COL13A1: variants seen among roughly 807,000 people sequenced by gnomAD.
COL13A1 encodes the protein collagen alpha-1(XIII) chain.
Under a neutral mutation model 130.9 loss-of-function variants are expected in COL13A1, and 89 were observed. The observed-to-expected ratio is 0.68, with a 90% CI of 0.57 to 0.81. COL13A1 has a LOEUF of 0.81. COL13A1 is among the 30% of genes least tolerant of loss of function. The pLI is 0.00. For synonymous variants in COL13A1, 402 were observed against 341.6 expected (o/e 1.18, Z -1.95); for missense variants, 879 against 934.6 (o/e 0.94, Z 0.78).
chr10:69,854,029 G>A (rs1855717952), intron 2 of COL13A1, among the ~76,000 whole-genome samples: 1 of 152,220 alleles, frequency 6.6e-6, no homozygotes, highest in Non-Finnish European at 1.5e-5. Flanking sequence ...AAAGCCAAAT[G>A]TAAAATCCAA....
At chr10:69,936,378 A>G (rs2066922849) in intron 32 of COL13A1, among the ~76,000 whole-genome samples, 1 of 152,174 alleles carries the variant, frequency 6.6e-6, no homozygotes, top group Non-Finnish European at 1.5e-5. Context: ...TGGTAGAAGT[A>G]GCAGTAGGAA....
rs116247591 is a variant in COL13A1, at chr10:69,950,152, C to A, written c.2059-2730C>A. 8.2e-3 allele frequency among the ~76,000 whole-genome samples: 1,254 copies of A among 152,194 alleles called. 17 individuals carry two copies. Among genetic ancestry groups the A allele is most frequent in the African/African-American group, 0.029 (1,200 of 41,518 alleles). ...ACGTCCTTCATCCTTTCCCCTCCCC[C>A]TCACCAGCTGTCAGTTTATCTCCTC... is the stretch of plus-strand genomic sequence containing the variant. On this transcript the variant is annotated intron_variant, in intron 38 of 40. Transcript: ENST00000645393.
At chr10:69,909,605 G>A (rs372136505) in intron 17 of COL13A1, among the ~76,000 whole-genome samples, 1 of 152,172 alleles carries the variant, frequency 6.6e-6, no homozygotes, top group African/African-American at 2.4e-5. Flanking sequence ...AGGTCAGAGG[G>A]CTGGCACTGG....
At chr10:69,810,346 A>AAGAGAGAGAGAGAG (rs1564723791) in intron 1 of COL13A1, among the ~76,000 whole-genome samples, 4 of 71,150 alleles carry the variant, frequency 5.6e-5, no homozygotes, top group African/African-American at 2.5e-4. Context: ...GGCCCTGAGA[A>AAGAGAGAGAGAGAG]TGAGAGAGAG....
Position 69,878,075 on chromosome 10 carries a change from C to T in COL13A1, c.462+10C>T, listed in dbSNP as rs1266146854. 4.3e-6 allele frequency: 3 copies of T among 702,888 alleles called. No homozygotes were observed. Among genetic ancestry groups the T allele is most frequent in the Admixed American group, 2.0e-5 (1 of 49,992 alleles). The allele number at this position is 702,888 out of a possible 1,614,324, so 43.5% of individuals were successfully genotyped here. A position where few individuals can be genotyped will look rare whatever the true frequency, so the allele number is the denominator to read the frequency against. ...CCAACCAGGCGAGAAGGTGAGTCCA[C>T]ACTTTCCCCTTCTGCCCTGCACCCA... On this transcript the variant is annotated intron_variant, in intron 6 of 40. Coordinates refer to ENST00000645393, the MANE Select transcript of COL13A1 (RefSeq NM_001368882.1).
intron 38 of COL13A1, among the ~76,000 whole-genome samples, chr10:69,951,240 A>G (rs1299856533): frequency 6.6e-6 from 1 of 152,176 alleles, no homozygotes; most frequent in African/African-American, 2.4e-5. Flanking sequence ...CTCTGACCCC[A>G]ACCTTTGGCT....
chr10:69,914,506 C>T (rs750300047), intron 17 of COL13A1, among the ~76,000 whole-genome samples: 1 of 152,182 alleles, frequency 6.6e-6, no homozygotes, highest in Non-Finnish European at 1.5e-5. Flanking sequence ...GTCACCTGCA[C>T]TGCCAGCCCA....
chr10:69,918,134 C>A, intron 18 of COL13A1, 151 bp from the exon 19 acceptor site: 1 of 602,634 alleles, frequency 1.7e-6, no homozygotes, highest in South Asian at 2.0e-5. Flanking sequence ...AGCGCCCCCA[C>A]CTCCCAGGTG....
At chr10:69,885,683 C>T (rs958292460) in intron 7 of COL13A1, among the ~76,000 whole-genome samples, 3 of 152,204 alleles carry the variant, frequency 2.0e-5, no homozygotes, top group African/African-American at 7.2e-5. Flanking sequence ...TTGGAATCCT[C>T]TCCTCCTGAC....
chr10:69,930,214 G>C lies in COL13A1; in HGVS notation c.1530+127G>C, dbSNP rs777594056. On this transcript the variant is annotated intron_variant, in intron 29 of 40. Transcript: ENST00000645393. The stretch of plus-strand genomic sequence containing the variant: ...AGTGGGCAAGGGAAGGGGAGATGGG[G>C]GGGGGCAGGGAGAGGGGCCCACCCT... The C allele has an allele frequency of 5.7e-4, 626 of 1,093,386 alleles. 7 individuals carry two copies. Among genetic ancestry groups the C allele is most frequent in the South Asian group, 9.2e-4 (61 of 65,992 alleles). 67.7% of individuals were successfully genotyped at this position (1,093,386 alleles called of 1,614,324 possible).
At chr10:69,871,371 A>C in intron 3 of COL13A1, among the ~76,000 whole-genome samples, 1 of 152,112 alleles carries the variant, frequency 6.6e-6, no homozygotes, top group Non-Finnish European at 1.5e-5. Flanking sequence ...ATGAAACAGG[A>C]AAGTCCCTAC....
At chr10:69,822,344 T>C in intron 1 of COL13A1, 25 bp from the exon 2 acceptor site, 3 of 1,555,266 alleles carry the variant, frequency 1.9e-6, no homozygotes, top group Non-Finnish European at 2.6e-6. Flanking sequence ...TCCTGGTGAC[T>C]CCTCTTGTCT....
intron 2 of COL13A1, among the ~76,000 whole-genome samples, chr10:69,846,265 T>G (rs1270555132): frequency 3.3e-5 from 5 of 152,006 alleles, no homozygotes; most frequent in Non-Finnish European, 7.4e-5. Flanking sequence ...AAGAAGGGTC[T>G]GGTGGCACTG....
intron 7 of COL13A1, among the ~76,000 whole-genome samples, chr10:69,882,076 T>C (rs779265725): frequency 2.0e-5 from 3 of 152,202 alleles, no homozygotes; most frequent in Non-Finnish European, 4.4e-5. Context: ...GCAGCACCAA[T>C]GCCCTGGCCA....
rs191139099 is a variant in COL13A1, at chr10:69,833,646, C to T, written c.364+11208C>T. 2.8e-3 allele frequency among the ~76,000 whole-genome samples: 421 copies of T among 152,276 alleles called. 5 individuals are homozygous for T. Among genetic ancestry groups the T allele is most frequent in the Middle Eastern group, 0.014 (4 of 294 alleles). ...GAAGAAGTGGCATTTGAAGGAATCC[C>T]TGAATGGCAAGTAAGATTTCAGTAA... On this transcript the variant is annotated intron_variant, in intron 2 of 40. Coordinates refer to ENST00000645393, the MANE Select transcript of COL13A1 (RefSeq NM_001368882.1).
intron 2 of COL13A1, among the ~76,000 whole-genome samples, chr10:69,860,401 CT>C (rs1055103652): frequency 2.0e-5 from 3 of 152,234 alleles, no homozygotes; most frequent in Non-Finnish European, 4.4e-5. Flanking sequence ...ATACAATCTT[CT>C]TTACCCCCTC....
At chr10:69,834,799 T>C (rs944767960) in intron 2 of COL13A1, among the ~76,000 whole-genome samples, 11 of 152,118 alleles carry the variant, frequency 7.2e-5, no homozygotes, top group Non-Finnish European at 1.0e-4. Flanking sequence ...AGGTGGGGGA[T>C]GCAGGATGCC....
At chr10:69,931,571 A>C (rs778072490) in intron 30 of COL13A1, among the ~76,000 whole-genome samples, 27 of 152,198 alleles carry the variant, frequency 1.8e-4, no homozygotes, top group Admixed American at 3.3e-4. Flanking sequence ...GAGGTCAACC[A>C]GTCCCAAGTC....
chr10:69,927,243 G>T lies in COL13A1; in HGVS notation c.1422+133G>T, dbSNP rs996103239. The T allele has an allele frequency of 4.3e-6, 6 of 1,398,956 alleles. No individual in the cohort carries two copies. The African/African-American group carries it at 7.1e-5, about 17-fold the overall frequency. 86.7% of individuals were successfully genotyped at this position (1,398,956 alleles called of 1,614,324 possible). ...CTGCAGATTAGGGTTGACCCAACAGGGCTGGGGCAGATGATGATCTGAGCT... is the reference window on the plus strand; with the variant it reads ...CTGCAGATTAGGGTTGACCCAACAGTGCTGGGGCAGATGATGATCTGAGCT... On this transcript the variant is annotated intron_variant, in intron 27 of 40. Coordinates refer to ENST00000645393, the MANE Select transcript of COL13A1 (RefSeq NM_001368882.1).
Sources: allele counts gnomAD v4.1 joint callset (sites outside exome capture counted in the v4.1 genomes callset), GRCh38; gene constraint gnomAD v4.1.1; transcripts MANE v1.5; gene names NCBI Gene and HGNC (gene_info 2026-07-23, HGNC 2026-07-21).